Variants in FAM221B observed in about 807,000 individuals in gnomAD.
FAM221B encodes the protein family with sequence similarity 221 member B.
FAM221B carries 35 observed loss-of-function variants against 39.8 expected under a neutral mutation model. The observed-to-expected ratio is 0.88, with a 90% confidence interval of 0.67 to 1.17. FAM221B has a LOEUF of 1.17. Ranked by LOEUF, FAM221B falls within the 50% of genes most tolerant of loss-of-function variation. FAM221B has a pLI of 0.00. For synonymous variants in FAM221B, 158 were observed against 178.1 expected, an observed-to-expected ratio of 0.89 and a Z score of 0.90; for missense variants, 479 against 503.1, an observed-to-expected ratio of 0.95 and a Z score of 0.46.
chr9:35,821,408 C>T (rs748278515), intron 3 of FAM221B: 15 of 1,360,566 alleles, frequency 1.1e-5, no homozygotes, highest in South Asian at 5.7e-5. Flanking sequence ...TTCACAATTC[C>T]GTGCCTCAGA....
chr9:35,821,667 G>T (rs1829154781), intron 3 of FAM221B: 3 of 1,303,296 alleles, frequency 2.3e-6, no homozygotes, highest in Non-Finnish European at 3.1e-6. Flanking sequence ...AGGAGGTGAG[G>T]CCCAAAGATC....
intron 4 of FAM221B, 103 bp from the exon 5 acceptor site, chr9:35,819,497 C>G: frequency 1.2e-6 from 1 of 856,236 alleles, no homozygotes; most frequent in Non-Finnish European, 1.7e-6. Flanking sequence ...CGCAGACATG[C>G]TTTTTTTTTT....
intron 1 of FAM221B, 33 bp from the exon 2 acceptor site, chr9:35,826,194 GT>G: frequency 2.0e-6 from 3 of 1,514,214 alleles, no homozygotes; most frequent in Non-Finnish European, 1.8e-6. Flanking sequence ...GCTTCATTAG[GT>G]TGGAAATAGA....
Position 35,828,292 on chromosome 9 carries a change from AAACAACAAC to A in FAM221B, c.-1+162_-1+170del, listed in dbSNP as rs372358720. Among the ~76,000 whole-genome samples, 146 of 126,584 alleles carry A rather than the reference AAACAACAAC, an allele frequency of 1.2e-3. No homozygotes were observed. Among genetic ancestry groups the A allele is most frequent in the African/African-American group, 3.4e-3 (109 of 32,302 alleles). The allele number at this position is 126,584 out of a possible 152,430, so 83.0% of individuals were successfully genotyped here. A position where few individuals can be genotyped will look rare whatever the true frequency, so the allele number is the denominator to read the frequency against. On this transcript the variant is annotated intron_variant, in intron 1 of 6. Coordinates refer to ENST00000423537, the MANE Select transcript of FAM221B (RefSeq NM_001012446.4). This position sits in a 1 kb window ranked among gnomAD's most constrained non-coding sequence, Gnocchi z 4.5. ...GGGGGACAGAGCGAGACTCTGTCTC[AAACAACAAC>A]AACAACAACAACAACAACAACAACA...
intron 6 of FAM221B, among the ~76,000 whole-genome samples, 154 bp downstream of exon 6, chr9:35,818,736 T>G (rs1829068551): frequency 6.6e-6 from 1 of 152,106 alleles, no homozygotes; most frequent in Admixed American, 6.5e-5. Flanking sequence ...TGAAAACCAG[T>G]GCAGATGTGG....
chr9:35,817,283 C>G lies in FAM221B; in HGVS notation c.*1186G>C, dbSNP rs1017333331. 1 of 152,290 alleles carries G rather than the reference C, an allele frequency of 6.6e-6. No individual in the cohort carries two copies. Among genetic ancestry groups the G allele is most frequent in the Admixed American group, 6.5e-5 (1 of 15,286 alleles). 9.4% of individuals were successfully genotyped at this position (152,290 alleles called of 1,614,324 possible). On this transcript the variant is annotated 3_prime_UTR_variant, in exon 7 of 7. Transcript: ENST00000423537. The stretch of plus-strand genomic sequence containing the variant: ...ACTTATCACCTTCACTTGCCCTCAT[C>G]TGAAAGATGTTATGCTCTGCAGCCT...
Position 35,818,939 on chromosome 9 carries a change from C to A in FAM221B, c.1122G>T (p.Glu374Asp). The change falls in exon 6 of 7, where the codon GAG (glutamate) becomes GAT (aspartate). Residue 374 changes from glutamate (E) to aspartate (D), a missense_variant. By Grantham distance (45) the Glu-to-Asp change is conservative. Transcript: ENST00000423537. ...GGGTCTTCTGGGTGTCAAAGAAAGT[C>A]TCGTGTTCCTCCCAGCGCCGGTCAC... ...AACDRRWEEH[E>D]TFFDTQKTRQ... The A allele has an allele frequency of 6.4e-7, 1 of 1,551,882 alleles. No homozygotes were observed. The highest frequency in any genetic ancestry group is 1.2e-5 in the South Asian group (1 of 84,066).
rs760241245 is a variant in FAM221B, at chr9:35,826,127, A to G, written c.35T>C (p.Ile12Thr). The G allele has an allele frequency of 1.9e-6, 3 of 1,604,870 alleles. No individual in the cohort carries two copies. The South Asian group carries it at 3.3e-5, about 18-fold the overall frequency. Residue 12 changes from isoleucine to threonine, a missense_variant, in exon 2 of 7, where the codon ATC becomes ACC. By Grantham distance (89) the Ile-to-Thr change is moderately conservative. Coordinates refer to ENST00000423537, the MANE Select transcript of FAM221B (RefSeq NM_001012446.4). ...GGGGTGCTTCTCTGCATCCATGGTGATATGAGGCTCTTCTATGATCTCATG... is the reference window on the plus strand; with the variant it reads ...GGGGTGCTTCTCTGCATCCATGGTGGTATGAGGCTCTTCTATGATCTCATG... ...EAHEIIEEPH[I>T]TMDAEKHPPS...
Position 35,825,304 on chromosome 9 carries a change from C to T in FAM221B, c.668G>A (p.Arg223Lys), listed in dbSNP as rs1829308379. 6.2e-7 allele frequency: 1 copy of T among 1,614,278 alleles called. No individual in the cohort carries two copies. Among genetic ancestry groups the T allele is most frequent in the Non-Finnish European group, 8.5e-7 (1 of 1,180,056 alleles). Residue 223 changes from arginine (R) to lysine (K), a missense_variant, in exon 3 of 7, where the codon AGA (arginine) becomes AAA (lysine). By Grantham distance (26) the Arg-to-Lys change is conservative. Coordinates refer to ENST00000423537, the MANE Select transcript of FAM221B (RefSeq NM_001012446.4). This position sits in a 1 kb window ranked among gnomAD's most constrained non-coding sequence, Gnocchi z 4.2. ...ELVEVAKAMH[R>K]EEFGAQVNNL... is the part of the protein sequence containing the mutation. ...GTTCACTTGAGCACCAAACTCCTCT[C>T]TATGCATTGCCTTAGCCACTTCCAC... is the stretch of plus-strand genomic sequence containing the variant.
At chr9:35,823,688 T>C (rs1829203227) in intron 3 of FAM221B, among the ~76,000 whole-genome samples, 1 of 152,106 alleles carries the variant, frequency 6.6e-6, no homozygotes, top group Admixed American at 6.5e-5. Flanking sequence ...CATTTTTTTT[T>C]TTGAGACATT....
chr9:35,826,499 G>T (rs141094835), intron 1 of FAM221B, among the ~76,000 whole-genome samples: 49 of 152,296 alleles, frequency 3.2e-4, no homozygotes, highest in Middle Eastern at 3.4e-3. Flanking sequence ...CAGTCCAAGA[G>T]CAGGGTCCTT....
At position 35,817,399 on chromosome 9, in the gene FAM221B, T is replaced by A. The variant is rs1482448253; in HGVS notation, c.*1070A>T. The stretch of plus-strand genomic sequence containing the variant: ...TCTCTTCCTTTGACTGCTCCCTTTT[T>A]CAATCTGTCATTTGCCTCCTGGCAT... On this transcript the variant is annotated 3_prime_UTR_variant, in exon 7 of 7. Coordinates refer to ENST00000423537, the MANE Select transcript of FAM221B (RefSeq NM_001012446.4). The A allele has an allele frequency of 6.6e-6, 1 of 152,402 alleles. No homozygotes were observed. The highest frequency in any genetic ancestry group is 2.4e-5 in the African/African-American group (1 of 41,468). 9.4% of individuals were successfully genotyped at this position (152,402 alleles called of 1,614,324 possible). A position where few individuals can be genotyped will look rare whatever the true frequency, so the allele number is the denominator to read the frequency against.
At position 35,818,434 on chromosome 9, in the gene FAM221B, A is replaced by G; in HGVS notation, c.*35T>C. Reference sequence around the variant, plus strand: ...CCCATATAGAGCCAAGTCAGGTTCCAATGACTCCTCTTTTATTGCTGATCT... The same window carrying G: ...CCCATATAGAGCCAAGTCAGGTTCCGATGACTCCTCTTTTATTGCTGATCT... On this transcript the variant is annotated 3_prime_UTR_variant, in exon 7 of 7. Transcript: ENST00000423537. 6.5e-7 allele frequency: 1 copy of G among 1,550,070 alleles called. No individual in the cohort carries two copies. The highest frequency in any genetic ancestry group is 1.4e-5 in the African/African-American group (1 of 73,158).
rs1829056358 is a variant in FAM221B at position 35,818,159 on chromosome 9, T to C, written c.*310A>G. On this transcript the variant is annotated 3_prime_UTR_variant, in exon 7 of 7. Coordinates refer to ENST00000423537, the MANE Select transcript of FAM221B (RefSeq NM_001012446.4). ...TCCGATGTTCCCAAAGATCTTCTAA[T>C]TGCAAAACCCAATGGACACTTTTCA... is the stretch of plus-strand genomic sequence containing the variant. 2.6e-6 allele frequency: 1 copy of C among 385,132 alleles called. No individual in the cohort carries two copies. The allele number at this position is 385,132 out of a possible 1,614,324, so 23.9% of individuals were successfully genotyped here.
At position 35,826,179 on chromosome 9, in the gene FAM221B, T is replaced by C; in HGVS notation, c.1-18A>G. On this transcript the variant is annotated intron_variant, in intron 1 of 6. Coordinates refer to ENST00000423537, the MANE Select transcript of FAM221B (RefSeq NM_001012446.4). ...GCTTCCATCTAGTGGTAGAACAGGG[T>C]ACAGGCTTCATTAGGTTGGAAATAG... 6.5e-7 allele frequency: 1 copy of C among 1,540,994 alleles called. No homozygotes were observed. Among genetic ancestry groups the C allele is most frequent in the Non-Finnish European group, 8.7e-7 (1 of 1,147,056 alleles).
chr9:35,818,545 G>A lies in FAM221B; in HGVS notation c.1172-39C>T, dbSNP rs370063671. On this transcript the variant is annotated intron_variant, in intron 6 of 6. Coordinates refer to ENST00000423537, the MANE Select transcript of FAM221B (RefSeq NM_001012446.4). ...GAGCAGAGGTGAAAGGGTCAGGTAT[G>A]GGGGTCAGAAGGGAGGCCAGGCTGG... 7.1e-6 allele frequency: 11 copies of A among 1,546,648 alleles called. No homozygotes were observed. In the African/African-American group the frequency reaches 1.2e-4, roughly 17 times the overall value.
rs1829061413 is a variant in FAM221B at position 35,818,481 on chromosome 9, G to A, written c.1197C>T (p.His399=). ...PRGTDTVSNW[H]RPL is the part of the protein sequence containing the mutation. ...ATCTGGGCCAGACTCACAAAGGCCT[G>A]TGCCAGTTGCTGACAGTGTCTGTCC... is the stretch of plus-strand genomic sequence containing the variant. The change falls in exon 7 of 7, where the codon CAC becomes CAT. Residue 399 remains histidine, a synonymous_variant. Coordinates refer to ENST00000423537, the MANE Select transcript of FAM221B (RefSeq NM_001012446.4). The A allele has an allele frequency of 6.4e-7, 1 of 1,551,754 alleles. No homozygotes were observed. The highest frequency in any genetic ancestry group is 1.4e-5 in the African/African-American group (1 of 73,170).
Position 35,825,438 on chromosome 9 carries a change from C to T in FAM221B, c.599-65G>A, listed in dbSNP as rs1829316155. On this transcript the variant is annotated intron_variant, in intron 2 of 6. Coordinates refer to ENST00000423537, the MANE Select transcript of FAM221B (RefSeq NM_001012446.4). This position sits in a 1 kb window ranked among gnomAD's most constrained non-coding sequence, Gnocchi z 4.2. ...AGGCCCTAAAACTAAGAGAAGGGGC[C>T]ATGTCCAAGAGTAACCCAGTCTCCT... The T allele has an allele frequency of 2.2e-5, 35 of 1,606,796 alleles. 1 individual carries two copies. The South Asian group carries it at 3.8e-4, about 17-fold the overall frequency.
In FAM221B at chr9:35,816,940, G is replaced by C. The variant is rs1829036042; in HGVS notation, c.*1529C>G. 1 of 152,242 alleles carries C rather than the reference G, an allele frequency of 6.6e-6. No individual in the cohort carries two copies. The highest frequency in any genetic ancestry group is 2.4e-5 in the African/African-American group (1 of 41,446). 9.4% of individuals were successfully genotyped at this position (152,242 alleles called of 1,614,324 possible). Reference sequence around the variant, plus strand: ...GCCTCTGGGACACTGGGAGACCCTAGAGTTGCCCTGGAGAAGGGCGAGAGA... The same window carrying C: ...GCCTCTGGGACACTGGGAGACCCTACAGTTGCCCTGGAGAAGGGCGAGAGA... On this transcript the variant is annotated 3_prime_UTR_variant, in exon 7 of 7. Transcript: ENST00000423537.
Sources: gnomAD v4.1 joint callset for allele counts (sites outside exome capture counted in the v4.1 genomes callset) on GRCh38, gnomAD v4.1.1 for gene constraint, Gnocchi (gnomAD v3.1) non-coding constraint, MANE v1.5 for transcripts, NCBI Gene and HGNC (gene_info 2026-07-23, HGNC 2026-07-21) for gene names.